Variants in GBF1 observed in about 807,000 individuals in gnomAD.
The protein encoded by GBF1 is golgi brefeldin A resistant guanine nucleotide exchange factor 1.
A neutral mutation model predicts 210.5 loss-of-function variants in GBF1; 114 were observed. The observed-to-expected ratio is 0.54, with a 90% CI of 0.47 to 0.63. GBF1 has a LOEUF of 0.63. Among genes scored for constraint, GBF1 ranks in the 30% least tolerant of loss-of-function variants. GBF1 has a pLI of 0.00. For synonymous variants in GBF1, 850 were observed against 889.2 expected (o/e 0.96, Z 0.78); for missense variants, 1,851 against 2,357.7 (o/e 0.79, Z 4.45).
chr10:102,342,387 ACG>A (rs201346125), intron 3 of GBF1, among the ~76,000 whole-genome samples: 2,118 of 149,008 alleles, frequency 0.014, 47 homozygotes, highest in African/African-American at 0.051. Flanking sequence ...TTTCACACAC[ACG>A]CACACACACA....
At chr10:102,276,519 C>G (rs1454751781) in intron 3 of GBF1, among the ~76,000 whole-genome samples, 1 of 93,628 alleles carries the variant, frequency 1.1e-5, no homozygotes, top group Non-Finnish European at 2.2e-5. Context: ...GAGCTAGACT[C>G]TGCCTCAAAA....
At chr10:102,266,533 A>T (rs1006065056) in intron 3 of GBF1, among the ~76,000 whole-genome samples, 17 of 152,224 alleles carry the variant, frequency 1.1e-4, no homozygotes, top group Non-Finnish European at 2.4e-4. Context: ...TTCCAAAGCT[A>T]ACATTTTGTA....
chr10:102,319,537 C>T (rs1201273496), intron 3 of GBF1, among the ~76,000 whole-genome samples: 1 of 152,110 alleles, frequency 6.6e-6, no homozygotes, highest in Non-Finnish European at 1.5e-5. Context: ...CACAGCTCTT[C>T]TCTTCCATTT....
rs1374747011 is a variant in GBF1, at chr10:102,316,151, A to G, written c.164-27900A>G. Among the ~76,000 whole-genome samples the G allele has an allele frequency of 3.4e-5, 5 of 148,576 alleles. No individual in the cohort carries two copies. The South Asian group carries it at 8.6e-4, about 26-fold the overall frequency. On this transcript the variant is annotated intron_variant, in intron 3 of 39. Coordinates refer to ENST00000369983, the MANE Select transcript of GBF1 (RefSeq NM_001377137.1). Reference sequence around the variant, plus strand: ...GCCCAAGCTGGAGTGCAGTGGTGCAATATCAGCTCACTGCAACCTCTGCCT... The same window carrying G: ...GCCCAAGCTGGAGTGCAGTGGTGCAGTATCAGCTCACTGCAACCTCTGCCT...
At chr10:102,294,771 G>A (rs2076781774) in intron 3 of GBF1, among the ~76,000 whole-genome samples, 1 of 152,106 alleles carries the variant, frequency 6.6e-6, no homozygotes, top group Non-Finnish European at 1.5e-5. Context: ...ACAGTGTATA[G>A]TATTCAATAC....
Position 102,319,252 on chromosome 10 carries a change from G to A in GBF1, c.164-24799G>A, listed in dbSNP as rs1233732012. ...GGAGAATGGCATGAACCCGGGAGGCGGAGCTTGCAGTGAGCCGAGATCGCG... is the reference window on the plus strand; with the variant it reads ...GGAGAATGGCATGAACCCGGGAGGCAGAGCTTGCAGTGAGCCGAGATCGCG... On this transcript the variant is annotated intron_variant, in intron 3 of 39. Coordinates refer to ENST00000369983, the MANE Select transcript of GBF1 (RefSeq NM_001377137.1). Among the ~76,000 whole-genome samples the A allele has an allele frequency of 6.6e-5, 10 of 152,082 alleles. 1 individual carries two copies. The South Asian group carries it at 1.2e-3, about 19-fold the overall frequency.
At position 102,360,200 on chromosome 10, in the gene GBF1, C is replaced by T. The variant is rs367801806; in HGVS notation, c.1197C>T (p.Pro399=). 62 of 1,612,908 alleles carry T rather than the reference C, an allele frequency of 3.8e-5. No homozygotes were observed. The African/African-American group carries it at 8.0e-4, about 21-fold the overall frequency. Residue 399 remains proline (P), a synonymous_variant, in exon 12 of 40, where the codon CCC becomes CCT. Transcript: ENST00000369983. ...CTTCCCCAGGCACAGCTTTGGTCCCCTATGGTCTTCCCTGCATCCGCGAGC... is the reference window on the plus strand; with the variant it reads ...CTTCCCCAGGCACAGCTTTGGTCCCTTATGGTCTTCCCTGCATCCGCGAGC... The part of the protein sequence containing the change: ...SSQKEGTALV[P]YGLPCIRELF...
At chr10:102,367,376 C>A in intron 20 of GBF1, 102 bp from the exon 21 acceptor site, 1 of 1,138,086 alleles carries the variant, frequency 8.8e-7, no homozygotes, top group African/African-American at 1.5e-5. Context: ...TGGGTTTTTT[C>A]GCTTACCTTT....
chr10:102,291,549 G>C (rs1361202482), intron 3 of GBF1, among the ~76,000 whole-genome samples: 3 of 152,182 alleles, frequency 2.0e-5, no homozygotes, highest in Non-Finnish European at 4.4e-5. Flanking sequence ...AAATGTTACT[G>C]TTTCCAGCTC....
In GBF1 at chr10:102,260,473, CTTCTTTTTT is replaced by C. The variant is rs1297279805; in HGVS notation, c.163+360_163+368del. 1.5e-4 allele frequency among the ~76,000 whole-genome samples: 11 copies of C among 74,788 alleles called. No homozygotes were observed. The East Asian group carries it at 2.2e-3, about 15-fold the overall frequency. The allele number at this position is 74,788 out of a possible 152,430, so 49.1% of individuals were successfully genotyped here. ...CTGTGCCTGGCCTATATTTTCCTTT[CTTCTTTTTT>C]TTTTTTTTTTTTTTTTTGAGGTAGA... On this transcript the variant is annotated intron_variant, in intron 3 of 39. Transcript: ENST00000369983.
chr10:102,320,676 A>G (rs918065809), intron 3 of GBF1, among the ~76,000 whole-genome samples: 1 of 152,278 alleles, frequency 6.6e-6, no homozygotes, highest in East Asian at 1.9e-4. Flanking sequence ...TAATGAATCT[A>G]TGCTTGATTT....
chr10:102,293,771 G>GTTTTTTTTTTTTTTTT (rs56722082), intron 3 of GBF1, among the ~76,000 whole-genome samples: 3 of 22,898 alleles, frequency 1.3e-4, no homozygotes, highest in African/African-American at 6.5e-4. Flanking sequence ...TATGTTTTGT[G>GTTTTTTTTTTTTTTTT]TTTTTTTTTT....
At chr10:102,232,614 G>A in the GBF1 span, among the ~76,000 whole-genome samples, 217 of 152,272 alleles carry the variant, frequency 1.4e-3, 1 homozygote, top group African/African-American at 5.0e-3. Flanking sequence ...CCTGGGAGGC[G>A]GAGGTTGCAG....
chr10:102,380,234 G>A lies in GBF1; in HGVS notation c.4879-15G>A. 4 of 1,563,560 alleles carry A rather than the reference G, an allele frequency of 2.6e-6. No homozygotes were observed. The highest frequency in any genetic ancestry group is 2.2e-5 in the East Asian group (1 of 44,648). The stretch of plus-strand genomic sequence containing the variant: ...CCTACAGTCCCCTCAGCTGAAGGGG[G>A]CTGGTGGGCCATAGGTCTTCCTGCA... On this transcript the variant is annotated splice_polypyrimidine_tract_variant and intron_variant, in intron 36 of 39. Coordinates refer to ENST00000369983, the MANE Select transcript of GBF1 (RefSeq NM_001377137.1).
rs1463436926 is a variant in GBF1 at position 102,376,597 on chromosome 10, C to T, written c.4085C>T (p.Pro1362Leu). 6.2e-7 allele frequency: 1 copy of T among 1,613,592 alleles called. No individual in the cohort carries two copies. Among genetic ancestry groups the T allele is most frequent in the Admixed American group, 1.7e-5 (1 of 60,014 alleles). Reference protein sequence around the residue: ...KDDVDNSKPGPSRPGPSPLIN... With the variant: ...KDDVDNSKPGLSRPGPSPLIN... ...GACGTTGATAACTCCAAGCCAGGGC[C>T]CAGCCGCCCAGGCCCTTCACCCCTG... The change falls in exon 32 of 40, where the codon CCC (proline) becomes CTC (leucine). Residue 1362 changes from proline to leucine, a missense_variant. This residue lies in a region of GBF1 where 967 missense variants were observed against 1,247.7 expected (regional missense o/e 0.78). Coordinates refer to ENST00000369983, the MANE Select transcript of GBF1 (RefSeq NM_001377137.1).
At chr10:102,244,128 AAAAC>A (rs369766503), upstream of GBF1, among the ~76,000 whole-genome samples, 1,915 of 152,276 alleles carry the variant, frequency 0.013, 33 homozygotes, top group African/African-American at 0.043. Flanking sequence ...AGACTCTCTC[AAAAC>A]AAACAAACAA....
At chr10:102,319,241 A>G (rs1229155193) in intron 3 of GBF1, among the ~76,000 whole-genome samples, 4 of 152,062 alleles carry the variant, frequency 2.6e-5, no homozygotes, top group Non-Finnish European at 5.9e-5. Context: ...AATGGCATGA[A>G]CCCGGGAGGC....
At chr10:102,231,219 G>A in the GBF1 span, 2 of 1,007,016 alleles carry the variant, frequency 2.0e-6, no homozygotes, top group South Asian at 3.5e-5. Flanking sequence ...AGATGAGGTG[G>A]CTAGAGACGG....
chr10:102,241,828 G>A (rs537310082), upstream of GBF1, among the ~76,000 whole-genome samples: 75 of 152,248 alleles, frequency 4.9e-4, no homozygotes, highest in Non-Finnish European at 9.7e-4. The surrounding 1 kb of genome is among the most constrained non-coding windows in gnomAD (Gnocchi z 6.7). Flanking sequence ...GGTAGCCACG[G>A]GTAAAAGGGA....
Sources: gnomAD v4.1 joint callset for allele counts (sites outside exome capture counted in the v4.1 genomes callset) on GRCh38, gnomAD v4.1.1 for gene constraint, gnomAD v4.1.1 regional missense constraint, Gnocchi (gnomAD v3.1) non-coding constraint, MANE v1.5 for transcripts, NCBI Gene and HGNC (gene_info 2026-07-23, HGNC 2026-07-21) for gene names.